TVP23C: variants seen among roughly 807,000 people sequenced by gnomAD.
The protein encoded by TVP23C is Golgi apparatus membrane protein TVP23 homolog C.
Under a neutral mutation model 28.7 loss-of-function variants are expected in TVP23C, and 19 were observed. That is an observed-to-expected ratio of 0.66 (90% confidence interval 0.46 to 0.97). TVP23C has a LOEUF of 0.97. Among genes scored for constraint, TVP23C ranks in the 50% least tolerant of loss-of-function variants. TVP23C has a pLI of 0.00. For missense variants in TVP23C, 186 were observed against 241.3 expected (o/e 0.77, Z 1.52); for synonymous variants, 68 against 81.7 (o/e 0.83, Z 0.90).
chr17:15,542,563 G>C (rs957602705), intron 5 of TVP23C, among the ~76,000 whole-genome samples: 1 of 152,072 alleles, frequency 6.6e-6, no homozygotes. Context: ...TGCAAACTCC[G>C]CCTCCTGGGT....
intron 1 of TVP23C, among the ~76,000 whole-genome samples, chr17:15,561,471 C>T (rs1488395853): frequency 1.3e-5 from 2 of 151,970 alleles, no homozygotes; most frequent in African/African-American, 2.4e-5. Context: ...TGGTGGCGGG[C>T]GCCTGTAATC....
Position 15,540,129 on chromosome 17 carries a change from C to G in TVP23C, c.*283G>C. 2 of 1,242,412 alleles carry G rather than the reference C, an allele frequency of 1.6e-6. No individual in the cohort carries two copies. The highest frequency in any genetic ancestry group is 2.0e-6 in the Non-Finnish European group (2 of 992,628). The allele number at this position is 1,242,412 out of a possible 1,614,324, so 77.0% of individuals were successfully genotyped here. A position where few individuals can be genotyped will look rare whatever the true frequency, so the allele number is the denominator to read the frequency against. On this transcript the variant is annotated 3_prime_UTR_variant, in exon 6 of 6. Transcript: ENST00000518321. ...ATAAAAACATACAACATACATTCTG[C>G]AAGGGCATTCACTTAAAGCTCCCAT...
rs182205336 is a variant in TVP23C at position 15,517,248 on chromosome 17, G to A, written c.463-14016C>T. Among the ~76,000 whole-genome samples the A allele has an allele frequency of 2.2e-3, 335 of 152,260 alleles. 1 individual carries two copies. Among genetic ancestry groups the A allele is most frequent in the African/African-American group, 7.9e-3 (328 of 41,562 alleles). Reference sequence around the variant, plus strand: ...GGACTATGTCCCACTCAATTTCATAGCCCTGTTCATTCAGTCCTAAATGTA... The same window carrying A: ...GGACTATGTCCCACTCAATTTCATAACCCTGTTCATTCAGTCCTAAATGTA... On this transcript the variant is annotated intron_variant, in intron 5 of 5. Transcript: ENST00000225576.
rs1983199111 is a variant in TVP23C at position 15,537,391 on chromosome 17, T to C, written c.*3021A>G. On this transcript the variant is annotated 3_prime_UTR_variant, in exon 6 of 6. Transcript: ENST00000518321. The stretch of plus-strand genomic sequence containing the variant: ...TGCTCTTTTAGTGGTAAAAGATCTA[T>C]TAGCTCAAGGTCCACTGAAGAACTT... The C allele has an allele frequency of 5.1e-6, 5 of 985,036 alleles. No homozygotes were observed. Among genetic ancestry groups the C allele is most frequent in the Non-Finnish European group, 6.0e-6 (5 of 829,586 alleles). 61.0% of individuals were successfully genotyped at this position (985,036 alleles called of 1,614,324 possible).
At chr17:15,506,218 C>T (rs567780862) in intron 5 of TVP23C, among the ~76,000 whole-genome samples, 83 of 152,354 alleles carry the variant, frequency 5.4e-4, no homozygotes, top group African/African-American at 1.9e-3. Context: ...CCAATCAGCA[C>T]CCTGTGTTTA....
At chr17:15,504,431 T>C (rs1399910118) in intron 5 of TVP23C, among the ~76,000 whole-genome samples, 1 of 152,138 alleles carries the variant, frequency 6.6e-6, no homozygotes, top group Non-Finnish European at 1.5e-5. Flanking sequence ...GATATGAACA[T>C]AAAAATAAGG....
chr17:15,559,760 TG>T, intron 1 of TVP23C, among the ~76,000 whole-genome samples: 1 of 148,116 alleles, frequency 6.8e-6, no homozygotes, highest in African/African-American at 2.4e-5. Context: ...ATGGACTGAC[TG>T]ACTGGGGAGG....
intron 5 of TVP23C, among the ~76,000 whole-genome samples, chr17:15,519,252 A>G (rs1220482888): frequency 6.6e-6 from 1 of 152,204 alleles, no homozygotes; most frequent in African/African-American, 2.4e-5. Context: ...ACATGAAAAC[A>G]TGTATATGAC....
At position 15,539,699 on chromosome 17, in the gene TVP23C, T is replaced by C. The variant is rs1166720330; in HGVS notation, c.*713A>G. On this transcript the variant is annotated 3_prime_UTR_variant, in exon 6 of 6. Coordinates refer to ENST00000518321, the MANE Select transcript of TVP23C (RefSeq NM_001135036.2). ...CTACTCATCCTGCTGAAAACCCTGA[T>C]GTTGAGGTATTATAGTAAAATCCTT... 10 of 985,268 alleles carry C rather than the reference T, an allele frequency of 1.0e-5. No individual in the cohort carries two copies. The highest frequency in any genetic ancestry group is 1.1e-5 in the Non-Finnish European group (9 of 829,956). 61.0% of individuals were successfully genotyped at this position (985,268 alleles called of 1,614,324 possible). A position where few individuals can be genotyped will look rare whatever the true frequency, so the allele number is the denominator to read the frequency against.
downstream of TVP23C, among the ~76,000 whole-genome samples, chr17:15,534,610 CA>C (rs1246310266): frequency 0.027 from 3,249 of 121,434 alleles, 64 homozygotes; most frequent in African/African-American, 0.087. Context: ...CACACACACA[CA>C]CCCTTACCTA....
chr17:15,524,844 A>G (rs1174129408), intron 5 of TVP23C, among the ~76,000 whole-genome samples: 1 of 152,198 alleles, frequency 6.6e-6, no homozygotes. Flanking sequence ...CAAGAGCTGG[A>G]AACAGATGCC....
At chr17:15,512,657 T>C (rs1982049608) in intron 5 of TVP23C, among the ~76,000 whole-genome samples, 1 of 152,084 alleles carries the variant, frequency 6.6e-6, no homozygotes, top group Non-Finnish European at 1.5e-5. Context: ...ACGAACATCA[T>C]ATATATATAT....
At chr17:15,526,621 C>T (rs1450120250) in intron 5 of TVP23C, among the ~76,000 whole-genome samples, 1 of 152,206 alleles carries the variant, frequency 6.6e-6, no homozygotes, top group Non-Finnish European at 1.5e-5. Flanking sequence ...TAACTCACCA[C>T]TTGTAGGAAA....
chr17:15,555,701 C>T (rs990600954), intron 1 of TVP23C, among the ~76,000 whole-genome samples: 121 of 152,232 alleles, frequency 7.9e-4, no homozygotes, highest in Non-Finnish European at 1.5e-3. Context: ...GCCGAGGCTA[C>T]TGGGGATAAT....
At chr17:15,514,067 G>T (rs375195038) in intron 5 of TVP23C, among the ~76,000 whole-genome samples, 21 of 152,192 alleles carry the variant, frequency 1.4e-4, no homozygotes, top group East Asian at 1.3e-3. Context: ...TCTTATCACC[G>T]TTCATGGGGT....
intron 5 of TVP23C, among the ~76,000 whole-genome samples, chr17:15,526,923 T>C (rs191025065): frequency 1.3e-5 from 2 of 152,350 alleles, no homozygotes; most frequent in East Asian, 3.9e-4. Flanking sequence ...CATAAACTTA[T>C]GATCTCTGTT....
chr17:15,506,982 A>G (rs1981779461), intron 5 of TVP23C: 3 of 1,281,834 alleles, frequency 2.3e-6, no homozygotes, highest in Non-Finnish European at 3.3e-6. Flanking sequence ...TTCATGCTCT[A>G]AGCACTGGAG....
chr17:15,535,467 T>A (rs939185181), downstream of TVP23C, among the ~76,000 whole-genome samples: 1 of 150,268 alleles, frequency 6.7e-6, no homozygotes, highest in African/African-American at 2.5e-5. Flanking sequence ...ACAGCCAATG[T>A]CAACCTCCAG....
chr17:15,544,455 G>A (rs1288408490), intron 5 of TVP23C, among the ~76,000 whole-genome samples: 1 of 151,790 alleles, frequency 6.6e-6, no homozygotes, highest in Non-Finnish European at 1.5e-5. Flanking sequence ...GAGAAAGGAG[G>A]AAACTCATAG....
Sources: gnomAD v4.1 joint callset for allele counts (sites outside exome capture counted in the v4.1 genomes callset) on GRCh38, gnomAD v4.1.1 for gene constraint, MANE v1.5 for transcripts, NCBI Gene and HGNC (gene_info 2026-07-23, HGNC 2026-07-21) for gene names.